PPARGC1A: variants seen among roughly 807,000 people sequenced by gnomAD.
The protein encoded by PPARGC1A is peroxisome proliferator-activated receptor gamma coactivator 1-alpha.
A neutral mutation model predicts 88.7 loss-of-function variants in PPARGC1A; 25 were observed. The ratio of observed to expected loss-of-function variants is 0.28; its 90% CI spans 0.21 to 0.39. PPARGC1A has a LOEUF of 0.39. PPARGC1A is among the 10% of genes least tolerant of loss of function. The pLI is 1.00. For synonymous variants in PPARGC1A, 363 were observed against 355.6 expected (o/e 1.02, Z -0.24); for missense variants, 880 against 968.7 (o/e 0.91, Z 1.22).
At chr4:24,380,079 T>C in the PPARGC1A span, among the ~76,000 whole-genome samples, 21 of 152,052 alleles carry the variant, frequency 1.4e-4, no homozygotes, top group African/African-American at 5.1e-4. Context: ...GCCTGGCCTA[T>C]TATTTAAATC....
chr4:24,087,420 C>T, the PPARGC1A span, among the ~76,000 whole-genome samples: 5 of 152,118 alleles, frequency 3.3e-5, no homozygotes, highest in Non-Finnish European at 5.9e-5. Context: ...TATTTCTAGA[C>T]CAGTTCAAAA....
chr4:24,003,065 C>T, the PPARGC1A span, among the ~76,000 whole-genome samples: 25 of 152,092 alleles, frequency 1.6e-4, no homozygotes, highest in Non-Finnish European at 3.7e-4. Flanking sequence ...GAATCATAGT[C>T]TTGTTTGAAA....
the PPARGC1A span, among the ~76,000 whole-genome samples, chr4:24,187,432 A>G: frequency 0.031 from 4,773 of 152,318 alleles, 109 homozygotes; most frequent in Non-Finnish European, 0.045. Flanking sequence ...ATGTTAAGCT[A>G]CCTATAAAAT....
the PPARGC1A span, among the ~76,000 whole-genome samples, chr4:23,994,040 A>G: frequency 2.6e-5 from 4 of 152,196 alleles, no homozygotes; most frequent in Non-Finnish European, 5.9e-5. Flanking sequence ...GTTTCTAGGT[A>G]ATGTGAATTG....
chr4:24,349,598 C>T, the PPARGC1A span, among the ~76,000 whole-genome samples: 1 of 152,114 alleles, frequency 6.6e-6, no homozygotes, highest in African/African-American at 2.4e-5. Context: ...CGGGTAGTCA[C>T]AGGCCTCACC....
the PPARGC1A span, among the ~76,000 whole-genome samples, chr4:24,049,308 G>GTGTATATATATA: frequency 0.14 from 19,918 of 139,270 alleles, 1,457 homozygotes; most frequent in Non-Finnish European, 0.17. Flanking sequence ...ATATATGTGT[G>GTGTATATATATA]TATATATATA....
the PPARGC1A span, among the ~76,000 whole-genome samples, chr4:23,949,766 C>G: frequency 1.5e-3 from 221 of 152,200 alleles, no homozygotes; most frequent in African/African-American, 5.0e-3. Context: ...CCCCTTCCCC[C>G]ACAATCTATG....
chr4:24,361,845 G>A, the PPARGC1A span, among the ~76,000 whole-genome samples: 117 of 152,314 alleles, frequency 7.7e-4, no homozygotes, highest in African/African-American at 2.7e-3. Context: ...TCTGGGAAGT[G>A]AAGACGGCCT....
chr4:24,061,177 G>A, the PPARGC1A span, among the ~76,000 whole-genome samples: 1 of 152,152 alleles, frequency 6.6e-6, no homozygotes, highest in South Asian at 2.1e-4. Flanking sequence ...CACCATGCTA[G>A]GGTAGAGCTC....
At chr4:24,234,318 T>A in the PPARGC1A span, among the ~76,000 whole-genome samples, 1 of 152,326 alleles carries the variant, frequency 6.6e-6, no homozygotes, top group Non-Finnish European at 1.5e-5. Flanking sequence ...ATTTTAAAAG[T>A]CCTTAGAGGG....
At chr4:24,112,875 G>A in the PPARGC1A span, among the ~76,000 whole-genome samples, 1 of 152,168 alleles carries the variant, frequency 6.6e-6, no homozygotes, top group Non-Finnish European at 1.5e-5. Context: ...ACCACGCTAT[G>A]GCTAGATGTG....
chr4:24,089,040 A>G, the PPARGC1A span, among the ~76,000 whole-genome samples: 1 of 152,254 alleles, frequency 6.6e-6, no homozygotes. Context: ...TCTCACACAC[A>G]TACAACTCCT....
chr4:24,085,250 C>G, the PPARGC1A span, among the ~76,000 whole-genome samples: 39,565 of 151,962 alleles, frequency 0.26, 5,587 homozygotes, highest in Non-Finnish European at 0.3. Flanking sequence ...AAATCTATAT[C>G]CATATTTGGT....
At chr4:24,410,867 C>T in the PPARGC1A span, among the ~76,000 whole-genome samples, 5 of 152,202 alleles carry the variant, frequency 3.3e-5, no homozygotes, top group Non-Finnish European at 1.5e-5. Context: ...CTGAAGGCTG[C>T]ACTGTCGGCT....
the PPARGC1A span, among the ~76,000 whole-genome samples, chr4:24,361,176 G>T: frequency 1.3e-5 from 2 of 152,170 alleles, no homozygotes; most frequent in African/African-American, 4.8e-5. Context: ...AGAGGACAGG[G>T]AAGGAGTCAG....
upstream of PPARGC1A, among the ~76,000 whole-genome samples, chr4:23,901,031 C>A (rs1299105474): frequency 6.6e-6 from 1 of 151,820 alleles, no homozygotes; most frequent in Non-Finnish European, 1.5e-5. Context: ...TCGAGACCAG[C>A]CTGACCAATA....
chr4:24,200,425 C>T, the PPARGC1A span, among the ~76,000 whole-genome samples: 3 of 151,720 alleles, frequency 2.0e-5, no homozygotes, highest in African/African-American at 7.3e-5. Flanking sequence ...GCAAGAGAAT[C>T]ACCTGAGCCC....
the PPARGC1A span, among the ~76,000 whole-genome samples, chr4:24,194,612 A>G: frequency 3.5e-5 from 2 of 56,640 alleles, no homozygotes; most frequent in African/African-American, 1.2e-4. Context: ...GCTGGCACAC[A>G]CGCGCGCGCA....
the PPARGC1A span, among the ~76,000 whole-genome samples, chr4:24,163,157 G>C: frequency 4.0e-5 from 6 of 148,762 alleles, no homozygotes; most frequent in Admixed American, 6.8e-5. Context: ...CCCAAGCCCT[G>C]TGATCAACAG....
Sources: gnomAD v4.1 joint callset for allele counts (sites outside exome capture counted in the v4.1 genomes callset) on GRCh38, gnomAD v4.1.1 for gene constraint, MANE v1.5 for transcripts, NCBI Gene and HGNC (gene_info 2026-07-23, HGNC 2026-07-21) for gene names.